SNX29: variants seen among roughly 807,000 people sequenced by gnomAD.
SNX29 encodes sorting nexin 29.
Under a neutral mutation model 102.1 loss-of-function variants are expected in SNX29, and 78 were observed. The ratio of observed to expected loss-of-function variants is 0.76; its 90% CI spans 0.64 to 0.92. SNX29 has a LOEUF of 0.92. Ranked by LOEUF, SNX29 falls within the 40% of genes least tolerant of loss-of-function variation. The pLI, the probability that SNX29 is intolerant of heterozygous loss-of-function variation, is 0.00. For synonymous variants in SNX29, 580 were observed against 414.5 expected, an observed-to-expected ratio of 1.40 and a Z score of -4.85; for missense variants, 1,280 against 1,061.7, an observed-to-expected ratio of 1.21 and a Z score of -2.86.
intron 15 of SNX29, among the ~76,000 whole-genome samples, chr16:12,302,052 T>C (rs1341233456): frequency 6.6e-6 from 1 of 152,208 alleles, no homozygotes; most frequent in African/African-American, 2.4e-5. Context: ...ATGAAGGAAA[T>C]GAACCAGTGC....
At chr16:12,386,971 A>G (rs778889414) in intron 16 of SNX29, among the ~76,000 whole-genome samples, 8 of 152,164 alleles carry the variant, frequency 5.3e-5, no homozygotes, top group Non-Finnish European at 1.2e-4. Flanking sequence ...CTAAAAATAG[A>G]AAAATTAGCT....
At chr16:12,430,087 C>T (rs1424263088) in intron 18 of SNX29, among the ~76,000 whole-genome samples, 2 of 152,232 alleles carry the variant, frequency 1.3e-5, no homozygotes, top group African/African-American at 4.8e-5. Flanking sequence ...CATAGGGGCA[C>T]AAACCCCATT....
chr16:12,347,475 G>C (rs2081848195), intron 15 of SNX29, among the ~76,000 whole-genome samples: 1 of 152,122 alleles, frequency 6.6e-6, no homozygotes, highest in Admixed American at 6.5e-5. Context: ...CCTCCATGCA[G>C]GCTCTGGAGC....
intron 15 of SNX29, among the ~76,000 whole-genome samples, chr16:12,298,411 T>A (rs1464054758): frequency 6.6e-6 from 1 of 152,244 alleles, no homozygotes; most frequent in East Asian, 1.9e-4. Flanking sequence ...TTGCAGAATC[T>A]TGAACAAGCC....
chr16:12,417,094 G>T (rs2084667530), intron 18 of SNX29, among the ~76,000 whole-genome samples: 1 of 152,370 alleles, frequency 6.6e-6, no homozygotes, highest in South Asian at 2.1e-4. Flanking sequence ...AGCCACCTCA[G>T]GCACAGTACT....
chr16:12,076,340 G>A (rs991463584), intron 10 of SNX29, among the ~76,000 whole-genome samples: 12 of 144,014 alleles, frequency 8.3e-5, no homozygotes, highest in African/African-American at 1.0e-4. Context: ...TTACTCTGTC[G>A]CCCAGGCTGG....
chr16:12,063,456 C>T (rs548906752), intron 9 of SNX29, among the ~76,000 whole-genome samples: 1 of 144,600 alleles, frequency 6.9e-6, no homozygotes, highest in South Asian at 2.3e-4. Context: ...CTCACTGCAA[C>T]CTCCGCCTTC....
At chr16:12,137,527 C>T (rs1295480216) in intron 13 of SNX29, among the ~76,000 whole-genome samples, 1 of 152,212 alleles carries the variant, frequency 6.6e-6, no homozygotes, top group Non-Finnish European at 1.5e-5. Flanking sequence ...GAGAACTGTA[C>T]TGTACATCCT....
At chr16:12,179,269 A>G (rs1220372788) in intron 13 of SNX29, among the ~76,000 whole-genome samples, 2 of 152,316 alleles carry the variant, frequency 1.3e-5, no homozygotes, top group East Asian at 3.9e-4. Flanking sequence ...GGATCACTTG[A>G]GTTCAGGAGT....
At chr16:12,352,231 C>G (rs535600562) in intron 15 of SNX29, among the ~76,000 whole-genome samples, 14 of 152,228 alleles carry the variant, frequency 9.2e-5, no homozygotes, top group African/African-American at 3.1e-4. Context: ...ATGGATGAAG[C>G]TGGAAACCAT....
intron 11 of SNX29, among the ~76,000 whole-genome samples, chr16:12,084,532 C>T (rs905638707): frequency 3.3e-5 from 5 of 152,312 alleles, no homozygotes; most frequent in South Asian, 2.1e-4. Flanking sequence ...TTCGGGCACA[C>T]GGAGCTGTAC....
At chr16:11,993,831 A>T (rs1247514866) in intron 1 of SNX29, among the ~76,000 whole-genome samples, 5 of 152,190 alleles carry the variant, frequency 3.3e-5, no homozygotes, top group African/African-American at 1.2e-4. Context: ...CTAAACATTG[A>T]AGACAAAGGC....
intron 18 of SNX29, among the ~76,000 whole-genome samples, chr16:12,465,467 A>C (rs1354647941): frequency 6.6e-6 from 1 of 152,094 alleles, no homozygotes; most frequent in African/African-American, 2.4e-5. Flanking sequence ...TTGAAAAGAC[A>C]GTCTTTTCCC....
At chr16:11,992,888 G>A (rs761530977) in intron 1 of SNX29, among the ~76,000 whole-genome samples, 3 of 152,184 alleles carry the variant, frequency 2.0e-5, no homozygotes, top group Non-Finnish European at 4.4e-5. Flanking sequence ...AGGGCTGGGC[G>A]TGGGGGCTCA....
At chr16:12,240,584 T>A (rs1371079416) in intron 14 of SNX29, among the ~76,000 whole-genome samples, 1 of 134,390 alleles carries the variant, frequency 7.4e-6, no homozygotes, top group Non-Finnish European at 1.5e-5. Flanking sequence ...CTTTGTCATT[T>A]CTTTTTTTTT....
At chr16:12,458,306 C>A (rs914646503) in intron 18 of SNX29, among the ~76,000 whole-genome samples, 1 of 152,040 alleles carries the variant, frequency 6.6e-6, no homozygotes, top group African/African-American at 2.4e-5. Context: ...AAATGCATTT[C>A]GGCGGGGGAC....
chr16:12,457,637 C>G (rs1173678060), intron 18 of SNX29, among the ~76,000 whole-genome samples: 1 of 152,214 alleles, frequency 6.6e-6, no homozygotes, highest in Non-Finnish European at 1.5e-5. Context: ...CTGTTCACAC[C>G]TCATTTACCC....
intron 17 of SNX29, among the ~76,000 whole-genome samples, chr16:12,400,323 A>G (rs12325372): frequency 0.036 from 5,417 of 152,246 alleles, 248 homozygotes; most frequent in African/African-American, 0.1. Context: ...CTTTAGGATT[A>G]TTATTTTACC....
chr16:12,292,431 A>G (rs1177449200), intron 15 of SNX29, among the ~76,000 whole-genome samples: 1 of 152,148 alleles, frequency 6.6e-6, no homozygotes, highest in Non-Finnish European at 1.5e-5. Context: ...ACACAGGTGC[A>G]TGTGGAGAGC....
Sources: allele counts gnomAD v4.1 joint callset (sites outside exome capture counted in the v4.1 genomes callset), GRCh38; gene constraint gnomAD v4.1.1; transcripts MANE v1.5; gene names NCBI Gene and HGNC (gene_info 2026-07-23, HGNC 2026-07-21).